CFAP44: variants seen among roughly 807,000 people sequenced by gnomAD.
The protein encoded by CFAP44 is cilia and flagella associated protein 44.
CFAP44 carries 134 observed loss-of-function variants against 216.2 expected under a neutral mutation model. That is an observed-to-expected ratio of 0.62 (90% CI 0.54 to 0.72). The LOEUF is 0.72. CFAP44 is among the 30% of genes least tolerant of loss of function. The pLI is 0.00. For missense variants in CFAP44, 2,035 were observed against 2,182.1 expected (o/e 0.93, Z 1.34); for synonymous variants, 700 against 727.6 (o/e 0.96, Z 0.61).
In CFAP44 at chr3:113,422,707, C is replaced by G. The variant is rs187225734; in HGVS notation, c.408-2528G>C. Among the ~76,000 whole-genome samples the G allele has an allele frequency of 2.1e-3, 317 of 152,144 alleles. 2 individuals are homozygous for G. The highest frequency in any genetic ancestry group is 7.4e-3 in the African/African-American group (307 of 41,504). On this transcript the variant is annotated intron_variant, in intron 4 of 34. Coordinates refer to ENST00000393845, the MANE Select transcript of CFAP44 (RefSeq NM_001164496.2). ...TCCCCTTCTTCCCTTTCTTTCTTTC[C>G]CTCTTCCCAGGTGGCAATATGATAC...
Position 113,306,184 on chromosome 3 carries a change from T to G in CFAP44, c.4758+17A>C, listed in dbSNP as rs1362364649. ...GTAGCATTTTGAGAGGATAAATAAG[T>G]AAACAGATCACCATACTTTTTTTGA... On this transcript the variant is annotated intron_variant, in intron 30 of 34. Transcript: ENST00000393845. The G allele has an allele frequency of 2.0e-6, 3 of 1,532,806 alleles. No homozygotes were observed. The South Asian group carries it at 3.6e-5, about 19-fold the overall frequency. The allele number at this position is 1,532,806 out of a possible 1,614,324, so 95.0% of individuals were successfully genotyped here.
intron 18 of CFAP44, among the ~76,000 whole-genome samples, chr3:113,368,560 A>G (rs1050917238): frequency 6.6e-6 from 1 of 152,338 alleles, no homozygotes; most frequent in East Asian, 1.9e-4. Flanking sequence ...TGTCACCACC[A>G]GGCCTGCCTT....
intron 1 of CFAP44, among the ~76,000 whole-genome samples, chr3:113,435,521 T>C (rs1479290672): frequency 6.6e-6 from 1 of 152,002 alleles, no homozygotes; most frequent in Non-Finnish European, 1.5e-5. Flanking sequence ...ATGGGAACTA[T>C]AATTACGATG....
At chr3:113,383,800 T>G (rs1933576509) in intron 15 of CFAP44, among the ~76,000 whole-genome samples, 1 of 152,182 alleles carries the variant, frequency 6.6e-6, no homozygotes, top group South Asian at 2.1e-4. Context: ...GTGCAGAACG[T>G]GCAGGTTTGT....
At chr3:113,356,036 T>C (rs987096209) in intron 22 of CFAP44, among the ~76,000 whole-genome samples, 1 of 149,586 alleles carries the variant, frequency 6.7e-6, no homozygotes, top group African/African-American at 2.4e-5. Context: ...ATATAAAATG[T>C]ATATAATTAT....
At chr3:113,298,625 C>T (rs1440074050) in intron 32 of CFAP44, among the ~76,000 whole-genome samples, 1 of 152,172 alleles carries the variant, frequency 6.6e-6, no homozygotes, top group Non-Finnish European at 1.5e-5. Flanking sequence ...CAAAATGTGG[C>T]ATGTACATAT....
In CFAP44 at chr3:113,288,951, T is replaced by C. The variant is rs1234237930; in HGVS notation, c.*2606A>G. The stretch of plus-strand genomic sequence containing the variant: ...CAGAAGAGCCAAGTTATATGAACAA[T>C]TGACCCACAAGTAACTCAGTGTAGG... On this transcript the variant is annotated 3_prime_UTR_variant, in exon 35 of 35. Transcript: ENST00000393845. 1 of 152,196 alleles carries C rather than the reference T, an allele frequency of 6.6e-6. No homozygotes were observed. The highest frequency in any genetic ancestry group is 2.4e-5 in the African/African-American group (1 of 41,448). 9.4% of individuals were successfully genotyped at this position (152,196 alleles called of 1,614,324 possible).
At chr3:113,356,914 C>T (rs1482244044) in intron 22 of CFAP44, among the ~76,000 whole-genome samples, 3 of 152,124 alleles carry the variant, frequency 2.0e-5, no homozygotes, top group African/African-American at 7.2e-5. Flanking sequence ...CACACACATA[C>T]ACACACATAT....
Position 113,381,078 on chromosome 3 carries a change from A to G in CFAP44, c.1891-18T>C. 3 of 1,537,320 alleles carry G rather than the reference A, an allele frequency of 2.0e-6. No individual in the cohort carries two copies. The South Asian group carries it at 4.0e-5, about 20-fold the overall frequency. ...CTTTCAGGCTAAAAAAGAAAAATTG[A>G]ACATATTTACATTTAGGCAAATTTT... On this transcript the variant is annotated intron_variant, in intron 15 of 34. Coordinates refer to ENST00000393845, the MANE Select transcript of CFAP44 (RefSeq NM_001164496.2).
At chr3:113,402,689 G>A (rs557594714) in intron 9 of CFAP44, among the ~76,000 whole-genome samples, 261 of 152,216 alleles carry the variant, frequency 1.7e-3, no homozygotes, top group African/African-American at 6.2e-3. Flanking sequence ...TTTTTCTATG[G>A]GGTAAGAGGT....
chr3:113,340,016 G>A (rs1166975163), intron 24 of CFAP44, among the ~76,000 whole-genome samples: 9 of 152,172 alleles, frequency 5.9e-5, no homozygotes, highest in Non-Finnish European at 1.2e-4. Flanking sequence ...TGGCGTGGTG[G>A]GCGAGAAGCA....
intron 2 of CFAP44, chr3:113,429,201 G>T (rs1206514562): frequency 6.6e-6 from 1 of 152,134 alleles, no homozygotes; most frequent in Non-Finnish European, 1.5e-5. Context: ...CTATTATGAA[G>T]TAACTAGTAC....
chr3:113,401,550 T>C (rs1261491283), intron 10 of CFAP44, 34 bp downstream of exon 10: 2 of 1,608,810 alleles, frequency 1.2e-6, no homozygotes, highest in Non-Finnish European at 1.7e-6. Flanking sequence ...GTCCATGTAA[T>C]GTTAAAGAGC....
intron 21 of CFAP44, 54 bp from the exon 22 acceptor site, chr3:113,358,929 A>G: frequency 6.7e-7 from 1 of 1,495,084 alleles, no homozygotes; most frequent in East Asian, 2.5e-5. Context: ...ACTCTGTTTC[A>G]TATATTTCAG....
chr3:113,389,654 C>A (rs1240263128), intron 15 of CFAP44, among the ~76,000 whole-genome samples: 1 of 151,398 alleles, frequency 6.6e-6, no homozygotes, highest in Non-Finnish European at 1.5e-5. Context: ...TATATGAAAT[C>A]AAAGATGAAA....
At chr3:113,381,305 T>C (rs1231678865) in intron 15 of CFAP44, among the ~76,000 whole-genome samples, 1 of 152,194 alleles carries the variant, frequency 6.6e-6, no homozygotes, top group African/African-American at 2.4e-5. Flanking sequence ...TAGATTTACA[T>C]TTGGTTCCTT....
At chr3:113,321,506 G>GT (rs1950146023) in intron 28 of CFAP44, among the ~76,000 whole-genome samples, 1 of 152,164 alleles carries the variant, frequency 6.6e-6, no homozygotes, top group African/African-American at 2.4e-5. Flanking sequence ...ACAAAGTACT[G>GT]TAAGTCTTAG....
At position 113,290,098 on chromosome 3, in the gene CFAP44, A is replaced by G. The variant is rs1949814703; in HGVS notation, c.*1459T>C. 1.3e-5 allele frequency: 2 copies of G among 152,350 alleles called. No individual in the cohort carries two copies. Among genetic ancestry groups the G allele is most frequent in the East Asian group, 3.9e-4 (2 of 5,188 alleles). 9.4% of individuals were successfully genotyped at this position (152,350 alleles called of 1,614,324 possible). ...AGTTTGGGGGTAATTTTTTACCGCA[A>G]TAAATAAGACACTCAGGGCTATGAC... is the stretch of plus-strand genomic sequence containing the variant. On this transcript the variant is annotated 3_prime_UTR_variant, in exon 35 of 35. Transcript: ENST00000393845.
rs1950200209 is a variant in CFAP44, at chr3:113,327,679, T to C, written c.4257A>G (p.Glu1419=). 4 of 1,537,052 alleles carry C rather than the reference T, an allele frequency of 2.6e-6. No individual in the cohort carries two copies. The highest frequency in any genetic ancestry group is 3.5e-6 in the Non-Finnish European group (4 of 1,146,746). Residue 1419 remains glutamate, a synonymous_variant, in exon 27 of 35, where the codon GAA becomes GAG. Coordinates refer to ENST00000393845, the MANE Select transcript of CFAP44 (RefSeq NM_001164496.2). ...FQEILLLKNF[E]KQENILQERV... is the part of the protein sequence containing the mutation. ...GTTCTTGAAGTATGTTCTCCTGTTTTTCAAAATTCTTCAGGAGAAGTATTT... is the reference window on the plus strand; with the variant it reads ...GTTCTTGAAGTATGTTCTCCTGTTTCTCAAAATTCTTCAGGAGAAGTATTT...
Sources: gnomAD v4.1 joint callset for allele counts (sites outside exome capture counted in the v4.1 genomes callset) on GRCh38, gnomAD v4.1.1 for gene constraint, MANE v1.5 for transcripts, NCBI Gene and HGNC (gene_info 2026-07-23, HGNC 2026-07-21) for gene names.